The following GMCL1 variants were observed in gnomAD, a reference collection of about 807,000 sequenced individuals.
GMCL1 encodes germ cell-less protein-like 1.
GMCL1 carries 54 observed loss-of-function variants against 75.5 expected under a neutral mutation model. That is an observed-to-expected ratio of 0.71 (90% CI 0.57 to 0.90). The LOEUF (loss-of-function observed/expected upper bound fraction) is 0.90, where lower values mean the gene tolerates loss of function less well. GMCL1 is among the 40% of genes least tolerant of loss of function. The probability of loss-of-function intolerance (pLI) is 0.00; values close to 1 mark genes in which losing one functional copy is unlikely to be tolerated. For missense variants in GMCL1, 537 were observed against 622.7 expected, an observed-to-expected ratio of 0.86 and a Z score of 1.47; for synonymous variants, 210 against 209.6, an observed-to-expected ratio of 1.00 and a Z score of -0.02.
At chr2:69,834,819 T>G (rs796993344) in intron 1 of GMCL1, among the ~76,000 whole-genome samples, 12 of 152,312 alleles carry the variant, frequency 7.9e-5, no homozygotes, top group African/African-American at 2.9e-4. Context: ...TATCTTTATT[T>G]TTTCTTTCTG....
intron 6 of GMCL1, among the ~76,000 whole-genome samples, chr2:69,847,145 CAA>C (rs1675173257): frequency 6.6e-6 from 1 of 151,296 alleles, no homozygotes. Context: ...TTTTAAAGAA[CAA>C]AACAAAACGT....
At chr2:69,843,384 A>G (rs1417884169) in intron 5 of GMCL1, 123 bp downstream of exon 5, 26 of 556,040 alleles carry the variant, frequency 4.7e-5, no homozygotes, top group Non-Finnish European at 8.1e-5. Flanking sequence ...AGGGGGATGG[A>G]ATTTTATTAA....
intron 13 of GMCL1, among the ~76,000 whole-genome samples, chr2:69,872,919 T>C (rs1676023025): frequency 1.3e-5 from 2 of 152,216 alleles, no homozygotes; most frequent in Non-Finnish European, 2.9e-5. Context: ...TGTATTCCCA[T>C]GTTCCTTCAG....
At position 69,879,034 on chromosome 2, in the gene GMCL1, AC is replaced by A; in HGVS notation, c.*31del. On this transcript the variant is annotated 3_prime_UTR_variant, in exon 14 of 14. Coordinates refer to ENST00000282570, the MANE Select transcript of GMCL1 (RefSeq NM_178439.5). ...AATCGTCACCCAGAAAATCCAGAAA[AC>A]TGAAGATTTCATCAGTTGGAAACAG... 1 of 1,417,574 alleles carries A rather than the reference AC, an allele frequency of 7.1e-7. No homozygotes were observed. Among genetic ancestry groups the A allele is most frequent in the Non-Finnish European group, 9.9e-7 (1 of 1,008,154 alleles). 87.8% of individuals were successfully genotyped at this position (1,417,574 alleles called of 1,614,324 possible).
rs911457414 is a variant in GMCL1, at chr2:69,849,542, A to G, written c.844-110A>G. The G allele has an allele frequency of 8.0e-6, 5 of 621,630 alleles. 1 individual carries two copies. Among genetic ancestry groups the G allele is most frequent in the Non-Finnish European group, 1.3e-5 (5 of 373,264 alleles). 38.5% of individuals were successfully genotyped at this position (621,630 alleles called of 1,614,324 possible). On this transcript the variant is annotated intron_variant, in intron 7 of 13. Transcript: ENST00000282570. ...TTCTTGCAATTGCTGGTAAAGTAGA[A>G]GTTAAATTTTTTAGCTATTATATTT... is the stretch of plus-strand genomic sequence containing the variant.
intron 1 of GMCL1, among the ~76,000 whole-genome samples, chr2:69,831,731 T>C (rs1674678522): frequency 1.3e-5 from 2 of 152,178 alleles, no homozygotes; most frequent in Non-Finnish European, 2.9e-5. Flanking sequence ...CTCAGCCTTC[T>C]GTGTAGCTGA....
rs1287328281 is a variant in GMCL1 at position 69,839,546 on chromosome 2, T to G, written c.474T>G (p.Asp158Glu). 6.4e-7 allele frequency: 1 copy of G among 1,562,144 alleles called. No homozygotes were observed. The highest frequency in any genetic ancestry group is 8.8e-7 in the Non-Finnish European group (1 of 1,134,816). The change falls in exon 3 of 14, where the codon GAT (aspartate) becomes GAG (glutamate). Residue 158 changes from aspartate (D) to glutamate (E), a missense_variant. Asp to Glu is a conservative substitution (Grantham distance 45). Coordinates refer to ENST00000282570, the MANE Select transcript of GMCL1 (RefSeq NM_178439.5). ...TGGAGATTCCTGACCAGAACATTGA[T>G]GTAGAAGGTAACTACCACAATAATT... ...IELEIPDQNI[D>E]VEALQVAFGS...
At chr2:69,856,870 G>C (rs1675485458) in intron 9 of GMCL1, among the ~76,000 whole-genome samples, 1 of 151,694 alleles carries the variant, frequency 6.6e-6, no homozygotes, top group African/African-American at 2.4e-5. Context: ...TTATTTTACT[G>C]TCTATTTCTC....
Position 69,844,202 on chromosome 2 carries a change from T to C in GMCL1, c.758+6T>C, listed in dbSNP as rs368833752. 22 of 1,502,078 alleles carry C rather than the reference T, an allele frequency of 1.5e-5. No homozygotes were observed. In the African/African-American group the frequency reaches 2.8e-4, roughly 19 times the overall value. The allele number at this position is 1,502,078 out of a possible 1,614,324, so 93.0% of individuals were successfully genotyped here. On this transcript the variant is annotated splice_donor_region_variant and intron_variant, in intron 6 of 13. Transcript: ENST00000282570. ...GAACTTTTTAAAGAACTCAGGTATTTGAATTTCAAGTAACTTCATAATTAG... is the reference window on the plus strand; with the variant it reads ...GAACTTTTTAAAGAACTCAGGTATTCGAATTTCAAGTAACTTCATAATTAG...
Position 69,854,700 on chromosome 2 carries a change from A to G in GMCL1, c.935-123A>G, listed in dbSNP as rs569490695. 1.4e-3 allele frequency: 992 copies of G among 718,118 alleles called. 3 individuals carry two copies. The highest frequency in any genetic ancestry group is 1.9e-3 in the Non-Finnish European group (857 of 439,794). The allele number at this position is 718,118 out of a possible 1,614,324, so 44.5% of individuals were successfully genotyped here. On this transcript the variant is annotated intron_variant, in intron 8 of 13. Coordinates refer to ENST00000282570, the MANE Select transcript of GMCL1 (RefSeq NM_178439.5). ...CCTAAGGTTTATAAAATTCTTGAGA[A>G]CTTTAAAACTAGCTTATTTTGTATT... is the stretch of plus-strand genomic sequence containing the variant.
chr2:69,867,710 A>G (rs1212871674), intron 11 of GMCL1, among the ~76,000 whole-genome samples: 1 of 152,198 alleles, frequency 6.6e-6, no homozygotes, highest in Admixed American at 6.5e-5. Flanking sequence ...GTTGCACTCC[A>G]TGCCTGCATC....
At chr2:69,861,740 A>T (rs1161244887) in intron 10 of GMCL1, among the ~76,000 whole-genome samples, 1 of 152,188 alleles carries the variant, frequency 6.6e-6, no homozygotes, top group East Asian at 1.9e-4. Flanking sequence ...TCAAATTCTG[A>T]TTAATGTAAT....
chr2:69,829,846 G>T lies in GMCL1; in HGVS notation c.-47G>T, dbSNP rs1466655357. 1 of 1,499,458 alleles carries T rather than the reference G, an allele frequency of 6.7e-7. No homozygotes were observed. Among genetic ancestry groups the T allele is most frequent in the Non-Finnish European group, 8.8e-7 (1 of 1,130,520 alleles). The allele number at this position is 1,499,458 out of a possible 1,614,324, so 92.9% of individuals were successfully genotyped here. A position where few individuals can be genotyped will look rare whatever the true frequency, so the allele number is the denominator to read the frequency against. ...GGCGGCGGCGGCCGAGCCATGGCGG[G>T]AGACCCCCTTCTCTGGGCTCCCTGA... On this transcript the variant is annotated 5_prime_UTR_variant, in exon 1 of 14. Transcript: ENST00000282570.
intron 12 of GMCL1, among the ~76,000 whole-genome samples, chr2:69,870,831 A>T (rs1000396764): frequency 7.2e-5 from 11 of 152,236 alleles, no homozygotes; most frequent in African/African-American, 2.2e-4. Context: ...ACCTATTAGG[A>T]TAGCTATTAG....
rs1558536926 is a variant in GMCL1 at position 69,837,553 on chromosome 2, A to C, written c.267A>C (p.Lys89Asn). 6.5e-7 allele frequency: 1 copy of C among 1,546,168 alleles called. No individual in the cohort carries two copies. The change falls in exon 2 of 14, where the codon AAA (lysine) becomes AAC (asparagine). Residue 89 changes from lysine (K) to asparagine (N), a missense_variant. This residue lies in a region of GMCL1 where 144 missense variants were observed against 127.2 expected (regional missense o/e 1.13). Transcript: ENST00000282570. Reference sequence around the variant, plus strand: ...TTTTCATTTCTTTTAACAGGAAAAAATTAAAGAGTACATCTAAATATATTT... The same window carrying C: ...TTTTCATTTCTTTTAACAGGAAAAACTTAAAGAGTACATCTAAATATATTT... ...QRLLNTPRRK[K>N]LKSTSKYIYQ...
At chr2:69,869,936 T>C (rs1675939763) in intron 12 of GMCL1, 72 bp downstream of exon 12, 1 of 1,463,846 alleles carries the variant, frequency 6.8e-7, no homozygotes, top group South Asian at 1.3e-5. Flanking sequence ...CTTGATAATT[T>C]ACACCAACAT....
intron 7 of GMCL1, 108 bp from the exon 8 acceptor site, chr2:69,849,544 T>C: frequency 1.6e-6 from 1 of 640,422 alleles, no homozygotes; most frequent in South Asian, 2.6e-5. Context: ...AAAGTAGAAG[T>C]TAAATTTTTT....
At chr2:69,863,923 T>C (rs1054568629) in intron 10 of GMCL1, among the ~76,000 whole-genome samples, 7 of 152,116 alleles carry the variant, frequency 4.6e-5, no homozygotes, top group Admixed American at 2.0e-4. Flanking sequence ...CCTGGAATAC[T>C]CTTACCCCTC....
In GMCL1 at chr2:69,829,877, C is replaced by G; in HGVS notation, c.-16C>G. 17 of 1,566,672 alleles carry G rather than the reference C, an allele frequency of 1.1e-5. No homozygotes were observed. Among genetic ancestry groups the G allele is most frequent in the Non-Finnish European group, 1.5e-5 (17 of 1,158,196 alleles). On this transcript the variant is annotated 5_prime_UTR_variant, in exon 1 of 14. Coordinates refer to ENST00000282570, the MANE Select transcript of GMCL1 (RefSeq NM_178439.5). ...CCCTTCTCTGGGCTCCCTGAAGTCTCGGGGAGCCGTGACCCATGGGATCGT... is the reference window on the plus strand; with the variant it reads ...CCCTTCTCTGGGCTCCCTGAAGTCTGGGGGAGCCGTGACCCATGGGATCGT...
Sources: allele counts gnomAD v4.1 joint callset (sites outside exome capture counted in the v4.1 genomes callset), GRCh38; gene constraint gnomAD v4.1.1; regional missense constraint gnomAD v4.1.1; transcripts MANE v1.5; gene names NCBI Gene and HGNC (gene_info 2026-07-23, HGNC 2026-07-21).